Variants in PGM5 observed in about 807,000 individuals in gnomAD.
The protein encoded by PGM5 is phosphoglucomutase 5.
In PGM5, 23 loss-of-function variants were observed where a neutral mutation model predicts 59.2. The observed-to-expected ratio is 0.39, with a 90% CI of 0.28 to 0.55. The LOEUF (loss-of-function observed/expected upper bound fraction) is 0.55, where lower values mean the gene tolerates loss of function less well. Ranked by LOEUF, PGM5 falls within the 20% of genes least tolerant of loss-of-function variation. The probability of loss-of-function intolerance (pLI) is 0.66; values close to 1 mark genes in which losing one functional copy is unlikely to be tolerated. For missense variants in PGM5, 574 were observed against 748.3 expected, an observed-to-expected ratio of 0.77 and a Z score of 2.72; for synonymous variants, 214 against 286.0, an observed-to-expected ratio of 0.75 and a Z score of 2.54.
At chr9:68,526,076 G>A (rs969777498) in intron 10 of PGM5, among the ~76,000 whole-genome samples, 67 of 147,908 alleles carry the variant, frequency 4.5e-4, no homozygotes, top group Non-Finnish European at 5.5e-4. Context: ...AAGAAAGAAA[G>A]AAAAAAAAGG....
chr9:68,382,797 G>A (rs1317246026), intron 2 of PGM5, among the ~76,000 whole-genome samples: 9 of 151,698 alleles, frequency 5.9e-5, no homozygotes, highest in Non-Finnish European at 5.9e-5. Flanking sequence ...TTATCAGCAT[G>A]GATGGTTGAA....
chr9:68,514,064 C>T (rs971751522), intron 10 of PGM5, among the ~76,000 whole-genome samples: 2 of 152,226 alleles, frequency 1.3e-5, no homozygotes, highest in Non-Finnish European at 2.9e-5. Flanking sequence ...TCAACATCAC[C>T]TGGTTGCTAC....
chr9:68,518,937 G>A (rs867274343), intron 10 of PGM5, among the ~76,000 whole-genome samples: 51 of 152,312 alleles, frequency 3.3e-4, no homozygotes, highest in African/African-American at 1.2e-3. Context: ...ACTGATTCTA[G>A]AAAGCCAAGC....
chr9:68,524,504 C>T (rs1481337687), intron 10 of PGM5, among the ~76,000 whole-genome samples: 5 of 152,224 alleles, frequency 3.3e-5, no homozygotes, highest in Admixed American at 3.3e-4. Flanking sequence ...AAAAACAATG[C>T]TATACTCTAA....
At chr9:68,463,187 T>TC (rs1214076491) in intron 6 of PGM5, among the ~76,000 whole-genome samples, 1 of 152,004 alleles carries the variant, frequency 6.6e-6, no homozygotes, top group African/African-American at 2.4e-5. Context: ...TAGATGTTTT[T>TC]TTTTTTTTTC....
At chr9:68,481,248 C>A (rs1587205213) in intron 8 of PGM5, among the ~76,000 whole-genome samples, 1 of 152,162 alleles carries the variant, frequency 6.6e-6, no homozygotes, top group Admixed American at 6.5e-5. Context: ...GAGATTACAA[C>A]CTTCTGGGAG....
In PGM5 at chr9:68,411,488, G is replaced by GTATATATA. The variant is rs782604420; in HGVS notation, c.1043+19023_1043+19030dup. On this transcript the variant is annotated intron_variant, in intron 6 of 10. Coordinates refer to ENST00000396396, the MANE Select transcript of PGM5 (RefSeq NM_021965.4). ...ATATAATGTGTGTGTGTGTGTGTGT[G>GTATATATA]TATATATATATATATGATTTTCCCA... is the stretch of plus-strand genomic sequence containing the variant. 1.3e-3 allele frequency among the ~76,000 whole-genome samples: 181 copies of GTATATATA among 140,716 alleles called. 1 individual carries two copies. Among genetic ancestry groups the GTATATATA allele is most frequent in the East Asian group, 7.8e-3 (38 of 4,902 alleles). 92.3% of individuals were successfully genotyped at this position (140,716 alleles called of 152,430 possible).
At chr9:68,443,418 T>G (rs1435203655) in intron 6 of PGM5, among the ~76,000 whole-genome samples, 1 of 151,308 alleles carries the variant, frequency 6.6e-6, no homozygotes, top group African/African-American at 2.4e-5. Flanking sequence ...ATGTTATGTT[T>G]CCTGATTGTT....
intron 1 of PGM5, among the ~76,000 whole-genome samples, chr9:68,360,698 G>A (rs1241067039): frequency 1.3e-5 from 2 of 152,050 alleles, no homozygotes; most frequent in Admixed American, 6.6e-5. Flanking sequence ...AACATAGATT[G>A]TAAACATTTT....
chr9:68,385,796 C>T (rs1488856557), intron 3 of PGM5, among the ~76,000 whole-genome samples: 9 of 152,056 alleles, frequency 5.9e-5, no homozygotes, highest in Admixed American at 5.2e-4. Context: ...CATTCAGGCT[C>T]ATTGCTGCAG....
intron 9 of PGM5, among the ~76,000 whole-genome samples, chr9:68,493,242 TCCCTGTATTGATTTA>T (rs1328789476): frequency 1.4e-4 from 21 of 152,218 alleles, no homozygotes; most frequent in African/African-American, 4.8e-4. Context: ...CTTACAGATT[TCCCTGTATTGATTTA>T]CACAAGGGTT....
At position 68,392,535 on chromosome 9, in the gene PGM5, G is replaced by A. The variant is rs561105268; in HGVS notation, c.1043+62G>A. ...GACCTTTGGCGTTGATGTCTCCTTTGTTGGTTGCTGGCGCTTATTCTCCCC... is the reference window on the plus strand; with the variant it reads ...GACCTTTGGCGTTGATGTCTCCTTTATTGGTTGCTGGCGCTTATTCTCCCC... On this transcript the variant is annotated intron_variant, in intron 6 of 10. Coordinates refer to ENST00000396396, the MANE Select transcript of PGM5 (RefSeq NM_021965.4). 3.3e-5 allele frequency: 53 copies of A among 1,591,008 alleles called. No homozygotes were observed. In the East Asian group the frequency reaches 1.2e-3, roughly 35 times the overall value.
At chr9:68,475,281 C>A (rs1212116415) in intron 7 of PGM5, among the ~76,000 whole-genome samples, 2 of 151,222 alleles carry the variant, frequency 1.3e-5, no homozygotes, top group East Asian at 2.0e-4. Flanking sequence ...GTGATTCCCC[C>A]ACCTTGGCCT....
chr9:68,387,388 G>A lies in PGM5; in HGVS notation c.572-75G>A, dbSNP rs567624352. The A allele has an allele frequency of 2.2e-4, 277 of 1,237,360 alleles. No individual in the cohort carries two copies. The African/African-American group carries it at 3.8e-3, about 17-fold the overall frequency. The allele number at this position is 1,237,360 out of a possible 1,614,324, so 76.6% of individuals were successfully genotyped here. A position where few individuals can be genotyped will look rare whatever the true frequency, so the allele number is the denominator to read the frequency against. On this transcript the variant is annotated intron_variant, in intron 3 of 10. Coordinates refer to ENST00000396396, the MANE Select transcript of PGM5 (RefSeq NM_021965.4). ...ACCAGAATTTCATGCTCTTAAGGTAGTGATTCTTTTTATGCTTCCAAGTAT... is the reference window on the plus strand; with the variant it reads ...ACCAGAATTTCATGCTCTTAAGGTAATGATTCTTTTTATGCTTCCAAGTAT...
At chr9:68,411,906 A>C (rs1822942401) in intron 6 of PGM5, among the ~76,000 whole-genome samples, 1 of 150,592 alleles carries the variant, frequency 6.6e-6, no homozygotes, top group South Asian at 2.1e-4. Context: ...AACAGGGACC[A>C]CAACTTCTTT....
intron 7 of PGM5, chr9:68,466,045 G>T: frequency 9.0e-6 from 7 of 775,756 alleles, no homozygotes; most frequent in Non-Finnish European, 1.1e-5. Flanking sequence ...CCCATTCTTT[G>T]TCTCTTGTCC....
intron 1 of PGM5, among the ~76,000 whole-genome samples, chr9:68,376,602 A>G (rs1587776235): frequency 1.3e-5 from 2 of 151,238 alleles, no homozygotes; most frequent in East Asian, 3.9e-4. Context: ...TCTAGCAATG[A>G]TGGTGCCAGG....
chr9:68,418,574 C>T (rs1418910887), intron 6 of PGM5, among the ~76,000 whole-genome samples: 2 of 151,968 alleles, frequency 1.3e-5, no homozygotes, highest in African/African-American at 2.4e-5. Context: ...AAGAAATCTC[C>T]GATGCTGCAG....
chr9:68,449,287 TAG>T (rs1365574803), intron 6 of PGM5, among the ~76,000 whole-genome samples: 1 of 152,248 alleles, frequency 6.6e-6, no homozygotes, highest in Non-Finnish European at 1.5e-5. Context: ...CCTGGGGCTC[TAG>T]CTTTGCTTCC....
Sources: gnomAD v4.1 joint callset for allele counts (sites outside exome capture counted in the v4.1 genomes callset) on GRCh38, gnomAD v4.1.1 for gene constraint, MANE v1.5 for transcripts, NCBI Gene and HGNC (gene_info 2026-07-23, HGNC 2026-07-21) for gene names.